Variants in GSAP observed in about 807,000 individuals in gnomAD.
GSAP encodes the protein gamma-secretase activating protein.
Under a neutral mutation model 131.7 loss-of-function variants are expected in GSAP, and 118 were observed. The observed-to-expected ratio is 0.90, with a 90% CI of 0.77 to 1.04. GSAP has a LOEUF of 1.04. Among genes scored for constraint, GSAP ranks in the 50% least tolerant of loss-of-function variants. The probability of loss-of-function intolerance (pLI) is 0.00; values close to 1 mark genes in which losing one functional copy is unlikely to be tolerated. For missense variants in GSAP, 1,019 were observed against 1,013.2 expected, an observed-to-expected ratio of 1.01 and a Z score of -0.08; for synonymous variants, 381 against 363.4, an observed-to-expected ratio of 1.05 and a Z score of -0.55.
rs751141407 is a variant in GSAP, at chr7:77,329,414, A to G, written c.1675-23T>C. On this transcript the variant is annotated intron_variant, in intron 20 of 30. Coordinates refer to ENST00000257626, the MANE Select transcript of GSAP (RefSeq NM_017439.4). ...TTTCTAGGAGTGAGAACACGTCAGA[A>G]ATGTGGAAGGTAAAGGTTTTATCGG... is the stretch of plus-strand genomic sequence containing the variant. The G allele has an allele frequency of 2.1e-6, 3 of 1,400,836 alleles. No homozygotes were observed. In the South Asian group the frequency reaches 4.0e-5, roughly 19 times the overall value. 86.8% of individuals were successfully genotyped at this position (1,400,836 alleles called of 1,614,324 possible).
intron 1 of GSAP, among the ~76,000 whole-genome samples, chr7:77,406,418 T>C (rs1369892215): frequency 6.6e-6 from 1 of 152,186 alleles, no homozygotes; most frequent in African/African-American, 2.4e-5. Context: ...GTGTGAATGT[T>C]ATACAATAAA....
intron 3 of GSAP, among the ~76,000 whole-genome samples, chr7:77,403,375 C>T (rs534931171): frequency 6.6e-6 from 1 of 152,214 alleles, no homozygotes; most frequent in Non-Finnish European, 1.5e-5. Context: ...ATTAACCAAG[C>T]AGCGTATTGG....
intron 14 of GSAP, 141 bp from the exon 15 acceptor site, chr7:77,355,788 T>A (rs1386009433): frequency 2.5e-5 from 1 of 39,442 alleles, no homozygotes; most frequent in Non-Finnish European, 4.8e-5. Flanking sequence ...TGACAGCCCG[T>A]TTTTTTTTTT....
intron 5 of GSAP, among the ~76,000 whole-genome samples, chr7:77,392,388 AAC>A (rs1475228225): frequency 6.6e-6 from 1 of 151,910 alleles, no homozygotes; most frequent in Admixed American, 6.6e-5. Flanking sequence ...CTCTGCTAAT[AAC>A]ACAAAAAATT....
intron 19 of GSAP, among the ~76,000 whole-genome samples, chr7:77,346,723 A>G (rs1791934281): frequency 6.6e-6 from 1 of 152,074 alleles, no homozygotes; most frequent in South Asian, 2.1e-4. Context: ...AAAAGAAAAA[A>G]AAAAAAGTAT....
chr7:77,328,264 C>T (rs11977926), intron 22 of GSAP: 172,418 of 1,063,706 alleles, frequency 0.16, 14,528 homozygotes, highest in South Asian at 0.27. Flanking sequence ...GATCAGACAG[C>T]TAGAAAGCAA....
intron 3 of GSAP, among the ~76,000 whole-genome samples, chr7:77,398,771 CA>C (rs58613193): frequency 2.7e-5 from 4 of 150,060 alleles, no homozygotes; most frequent in African/African-American, 4.9e-5. Flanking sequence ...CTGTCTCAAA[CA>C]AAAAAAAAGG....
chr7:77,391,125 CAAA>C (rs3083869), intron 5 of GSAP, among the ~76,000 whole-genome samples: 14,998 of 65,056 alleles, frequency 0.23, 773 homozygotes, highest in South Asian at 0.34. Context: ...GGCTCCGTCT[CAAA>C]AAAAAAAAAA....
At chr7:77,413,249 G>A (rs1803619836) in intron 1 of GSAP, among the ~76,000 whole-genome samples, 1 of 152,204 alleles carries the variant, frequency 6.6e-6, no homozygotes, top group South Asian at 2.1e-4. Flanking sequence ...GTCCCTCAAA[G>A]AGGAAGCTTC....
intron 2 of GSAP, 85 bp downstream of exon 2, chr7:77,405,944 T>C (rs1583919304): frequency 2.0e-6 from 1 of 510,206 alleles, no homozygotes; most frequent in Non-Finnish European, 3.1e-6. Context: ...TAAGATACAG[T>C]ATAGAATTCT....
At chr7:77,416,489 G>C (rs4727380), upstream of GSAP, 267,733 of 416,368 alleles carry the variant, frequency 0.64, 86,751 homozygotes, top group African/African-American at 0.72. Context: ...TCCGGCACCA[G>C]CTCCTCCCGG....
chr7:77,339,742 G>A (rs1427039800), intron 19 of GSAP, among the ~76,000 whole-genome samples: 1 of 151,554 alleles, frequency 6.6e-6, no homozygotes, highest in African/African-American at 2.4e-5. Flanking sequence ...AAACAAACAA[G>A]CCAGTGCAAA....
intron 26 of GSAP, chr7:77,314,805 G>A (rs565033434): frequency 4.6e-6 from 1 of 215,924 alleles, no homozygotes; most frequent in South Asian, 7.2e-5. Context: ...GATAGCAAAA[G>A]AGTACAGAAG....
At position 77,402,616 on chromosome 7, in the gene GSAP, A is replaced by AAAAAAAAAAAAAAAAAT. The variant is rs375595494; in HGVS notation, c.243+1942_243+1943insATTTTTTTTTTTTTTTT. Among the ~76,000 whole-genome samples, 42 of 80,492 alleles carry AAAAAAAAAAAAAAAAAT rather than the reference A, an allele frequency of 5.2e-4. 5 individuals are homozygous for AAAAAAAAAAAAAAAAAT. Among genetic ancestry groups the AAAAAAAAAAAAAAAAAT allele is most frequent in the Non-Finnish European group, 9.0e-4 (33 of 36,846 alleles). The allele number at this position is 80,492 out of a possible 152,430, so 52.8% of individuals were successfully genotyped here. A position where few individuals can be genotyped will look rare whatever the true frequency, so the allele number is the denominator to read the frequency against. On this transcript the variant is annotated intron_variant, in intron 3 of 30. Transcript: ENST00000257626. ...CTCAAAAAAAAAAAAAAAAAAAAAAAGAATTTTAAAGCCCATCTAGATTTG... is the reference window on the plus strand; with the variant it reads ...CTCAAAAAAAAAAAAAAAAAAAAAAAAAAAAAAAAAAAAAAATGAATTTTAAAGCCCATCTAGATTTG...
chr7:77,359,416 T>C (rs1402555465), intron 14 of GSAP, among the ~76,000 whole-genome samples: 1 of 152,148 alleles, frequency 6.6e-6, no homozygotes, highest in Non-Finnish European at 1.5e-5. Context: ...TTTATAAACA[T>C]ATCTTTCTTA....
chr7:77,313,764 A>G (rs975486596), intron 27 of GSAP, among the ~76,000 whole-genome samples: 4 of 152,250 alleles, frequency 2.6e-5, no homozygotes, highest in African/African-American at 7.2e-5. Flanking sequence ...AATTTTATTG[A>G]CTAACTTAAA....
chr7:77,372,895 C>G (rs1267375065), intron 12 of GSAP, among the ~76,000 whole-genome samples: 1 of 152,196 alleles, frequency 6.6e-6, no homozygotes, highest in Non-Finnish European at 1.5e-5. Context: ...TTAGTTCATA[C>G]ATATCCTTCA....
intron 23 of GSAP, 50 bp downstream of exon 23, chr7:77,326,162 T>A (rs760713328): frequency 8.5e-7 from 1 of 1,178,706 alleles, no homozygotes; most frequent in Non-Finnish European, 1.2e-6. Flanking sequence ...TTTCCCCTTG[T>A]CTTAGGGTTC....
At chr7:77,338,685 T>C (rs1456461380) in intron 19 of GSAP, among the ~76,000 whole-genome samples, 1 of 152,172 alleles carries the variant, frequency 6.6e-6, no homozygotes, top group African/African-American at 2.4e-5. Flanking sequence ...AGGGCACTAA[T>C]TGCAATCACC....
Sources: gnomAD v4.1 joint callset for allele counts (sites outside exome capture counted in the v4.1 genomes callset) on GRCh38, gnomAD v4.1.1 for gene constraint, MANE v1.5 for transcripts, NCBI Gene and HGNC (gene_info 2026-07-23, HGNC 2026-07-21) for gene names.